HDHD2: variants seen among roughly 807,000 people sequenced by gnomAD.
HDHD2 encodes haloacid dehalogenase-like hydrolase domain-containing protein 2.
HDHD2 carries 26 observed loss-of-function variants against 24.8 expected under a neutral mutation model. That is an observed-to-expected ratio of 1.05 (90% CI 0.77 to 1.45). HDHD2 has a LOEUF of 1.45. Ranked by LOEUF, HDHD2 falls within the 40% of genes most tolerant of loss-of-function variation. The probability of loss-of-function intolerance (pLI) is 0.00; values close to 1 mark genes in which losing one functional copy is unlikely to be tolerated. For missense variants in HDHD2, 299 were observed against 313.4 expected, an observed-to-expected ratio of 0.95 and a Z score of 0.35; for synonymous variants, 128 against 114.9, an observed-to-expected ratio of 1.11 and a Z score of -0.73.
chr18:47,139,080 T>C lies in HDHD2; in HGVS notation c.-10-2631A>G, dbSNP rs182336032. The stretch of plus-strand genomic sequence containing the variant: ...GTGAGGGTGGCACACCCTAACTCCA[T>C]GGGGACAGAAGCTCTCACTGGGGAC... On this transcript the variant is annotated intron_variant, in intron 1 of 6. Coordinates refer to ENST00000300605, the MANE Select transcript of HDHD2 (RefSeq NM_032124.5). Among the ~76,000 whole-genome samples the C allele has an allele frequency of 3.1e-3, 479 of 152,238 alleles. 2 individuals carry two copies. Among genetic ancestry groups the C allele is most frequent in the Non-Finnish European group, 5.0e-3 (337 of 68,012 alleles).
At chr18:47,149,842 G>T (rs974821359) in intron 1 of HDHD2, among the ~76,000 whole-genome samples, 1 of 152,170 alleles carries the variant, frequency 6.6e-6, no homozygotes, top group Non-Finnish European at 1.5e-5. Context: ...GTGCATAAGG[G>T]ACTGTGTTGC....
intron 1 of HDHD2, among the ~76,000 whole-genome samples, chr18:47,144,291 G>A (rs1426576697): frequency 6.6e-6 from 1 of 152,146 alleles, no homozygotes; most frequent in East Asian, 1.9e-4. Flanking sequence ...CCCATCTGAA[G>A]AGATAGATCC....
intron 6 of HDHD2, among the ~76,000 whole-genome samples, chr18:47,112,597 G>C (rs1441984176): frequency 6.6e-6 from 1 of 152,202 alleles, no homozygotes; most frequent in African/African-American, 2.4e-5. Context: ...TAGCTGGCCA[G>C]TTTCCTAAAG....
intron 1 of HDHD2, among the ~76,000 whole-genome samples, chr18:47,144,799 CAAAA>C (rs200234127): frequency 3.3e-5 from 2 of 61,256 alleles, no homozygotes; most frequent in Non-Finnish European, 3.3e-5. Context: ...GACCCTGTCT[CAAAA>C]AAAAAAAAAA....
chr18:47,145,941 A>G (rs1169198552), intron 1 of HDHD2, among the ~76,000 whole-genome samples: 3 of 152,214 alleles, frequency 2.0e-5, no homozygotes, highest in Non-Finnish European at 4.4e-5. Flanking sequence ...TTTACAAAAG[A>G]GCAAATCTGG....
At chr18:47,133,727 C>T (rs576553226) in intron 3 of HDHD2, among the ~76,000 whole-genome samples, 11 of 152,078 alleles carry the variant, frequency 7.2e-5, no homozygotes, top group East Asian at 5.8e-4. Context: ...TCTCTGATGG[C>T]CAGTGATGAT....
chr18:47,117,736 G>C (rs932681152), intron 4 of HDHD2, among the ~76,000 whole-genome samples: 1 of 152,084 alleles, frequency 6.6e-6, no homozygotes, highest in African/African-American at 2.4e-5. Context: ...CCAGCACTTT[G>C]GGAGACCAAG....
intron 1 of HDHD2, among the ~76,000 whole-genome samples, chr18:47,141,304 CT>C (rs1009197978): frequency 1.3e-5 from 2 of 152,148 alleles, no homozygotes; most frequent in Non-Finnish European, 2.9e-5. Context: ...GATATATTAT[CT>C]TTTTTTACTT....
intron 4 of HDHD2, among the ~76,000 whole-genome samples, chr18:47,121,088 A>G (rs2063601856): frequency 6.6e-6 from 1 of 151,936 alleles, no homozygotes; most frequent in South Asian, 2.1e-4. Flanking sequence ...ATGTAGGGTT[A>G]CCACAAAATC....
chr18:47,139,464 C>CA (rs760347919), intron 1 of HDHD2, among the ~76,000 whole-genome samples: 3,097 of 50,420 alleles, frequency 0.061, 310 homozygotes, highest in African/African-American at 0.069. Flanking sequence ...GACTCTGTCT[C>CA]AAAAAAAAAA....
intron 3 of HDHD2, among the ~76,000 whole-genome samples, chr18:47,134,202 A>G (rs1292621235): frequency 6.6e-6 from 1 of 152,242 alleles, no homozygotes; most frequent in East Asian, 1.9e-4. Context: ...TCAAACAATC[A>G]AACCAAAAAG....
At chr18:47,114,609 C>A (rs975344713) in intron 5 of HDHD2, among the ~76,000 whole-genome samples, 8 of 152,246 alleles carry the variant, frequency 5.3e-5, no homozygotes, top group African/African-American at 1.9e-4. Flanking sequence ...CAGCCAGGGC[C>A]TCCAATCATC....
chr18:47,112,935 A>C lies in HDHD2; in HGVS notation c.676+42T>G, dbSNP rs751541303. Reference sequence around the variant, plus strand: ...TGTTCTTTAAGCAACTGTGTATTCTACTATTCTGTTTTAGAAAATGCTTTA... The same window carrying C: ...TGTTCTTTAAGCAACTGTGTATTCTCCTATTCTGTTTTAGAAAATGCTTTA... On this transcript the variant is annotated intron_variant, in intron 6 of 6. Transcript: ENST00000300605. The C allele has an allele frequency of 9.3e-6, 14 of 1,497,556 alleles. No homozygotes were observed. The East Asian group carries it at 2.7e-4, about 29-fold the overall frequency. 92.8% of individuals were successfully genotyped at this position (1,497,556 alleles called of 1,614,324 possible).
At chr18:47,120,280 A>T (rs2144304751) in intron 4 of HDHD2, among the ~76,000 whole-genome samples, 1 of 152,386 alleles carries the variant, frequency 6.6e-6, no homozygotes, top group Non-Finnish European at 1.5e-5. Flanking sequence ...CAATGATCTT[A>T]GCTAGATCTC....
chr18:47,118,358 C>T (rs1451666565), intron 4 of HDHD2, among the ~76,000 whole-genome samples: 1 of 152,116 alleles, frequency 6.6e-6, no homozygotes, highest in South Asian at 2.1e-4. Flanking sequence ...CCCAAATGCC[C>T]GTCAGTGATA....
chr18:47,112,143 G>A (rs2063520655), intron 6 of HDHD2, among the ~76,000 whole-genome samples: 1 of 152,210 alleles, frequency 6.6e-6, no homozygotes, highest in South Asian at 2.1e-4. Context: ...AGCTCATTAA[G>A]TTCCCAATGC....
chr18:47,109,965 GGAA>G (rs2063502691), intron 6 of HDHD2: 3 of 985,146 alleles, frequency 3.0e-6, no homozygotes, highest in South Asian at 4.7e-5. Flanking sequence ...ATGAATGGAG[GGAA>G]GAAGAGAGGG....
chr18:47,125,174 C>T (rs1467617533), intron 4 of HDHD2, among the ~76,000 whole-genome samples: 29 of 151,264 alleles, frequency 1.9e-4, no homozygotes, highest in Admixed American at 1.9e-3. Context: ...AAAAAAATAA[C>T]AACAAAAAAA....
At chr18:47,114,379 G>A (rs887188511) in intron 5 of HDHD2, among the ~76,000 whole-genome samples, 2 of 152,192 alleles carry the variant, frequency 1.3e-5, no homozygotes, top group African/African-American at 2.4e-5. Flanking sequence ...TTGGGCTTCA[G>A]TTTCCCAGTC....
Sources: allele counts gnomAD v4.1 joint callset (sites outside exome capture counted in the v4.1 genomes callset), GRCh38; gene constraint gnomAD v4.1.1; transcripts MANE v1.5; gene names NCBI Gene and HGNC (gene_info 2026-07-23, HGNC 2026-07-21).